EOMES: variants seen among roughly 807,000 people sequenced by gnomAD.
The protein encoded by EOMES is eomesodermin, also known as eomesodermin homolog.
Under a neutral mutation model 61.0 loss-of-function variants are expected in EOMES, and 18 were observed. That is an observed-to-expected ratio of 0.30 (90% CI 0.20 to 0.44). The LOEUF (loss-of-function observed/expected upper bound fraction) is 0.44, where lower values mean the gene tolerates loss of function less well. Among genes scored for constraint, EOMES ranks in the 20% least tolerant of loss-of-function variants. The pLI is 1.00. For synonymous variants in EOMES, 430 were observed against 394.0 expected (o/e 1.09, Z -1.08); for missense variants, 885 against 939.2 (o/e 0.94, Z 0.75).
chr3:27,721,685 C>G lies in EOMES; in HGVS notation c.610G>C (p.Gly204Arg), dbSNP rs747562337. 21 of 1,518,370 alleles carry G rather than the reference C, an allele frequency of 1.4e-5. No homozygotes were observed. The Admixed American group carries it at 2.7e-4, about 19-fold the overall frequency. The allele number at this position is 1,518,370 out of a possible 1,614,324, so 94.1% of individuals were successfully genotyped here. Reference sequence around the variant, plus strand: ...GCTCCTGGGCCGAACTGCGCCCTCCCGGGTGGGCACACAGCCGCGGGGAAG... The same window carrying G: ...GCTCCTGGGCCGAACTGCGCCCTCCGGGGTGGGCACACAGCCGCGGGGAAG... ...GGFPAAVCPP[G>R]RAQFGPGAGA... Residue 204 changes from glycine (G) to arginine (R), a missense_variant, in exon 1 of 6, where the codon GGG (glycine) becomes CGG (arginine). By Grantham distance (125) the Gly-to-Arg change is moderately radical. This residue lies in a region of EOMES where 449 missense variants were observed against 383.6 expected (regional missense o/e 1.17). Coordinates refer to ENST00000449599, the MANE Select transcript of EOMES (RefSeq NM_001278182.2). This position sits in a 1 kb window ranked among gnomAD's most constrained non-coding sequence, Gnocchi z 7.4.
upstream of EOMES, chr3:27,722,583 C>A (rs1048762315): frequency 2.4e-5 from 29 of 1,217,684 alleles, 1 homozygote; most frequent in South Asian, 8.2e-4. Context: ...TCCTCAGGAC[C>A]CCCACCCTCC....
rs745968153 is a variant in EOMES at position 27,717,041 on chromosome 3, T to C, written c.*29A>G. 6.4e-7 allele frequency: 1 copy of C among 1,555,568 alleles called. No individual in the cohort carries two copies. Among genetic ancestry groups the C allele is most frequent in the South Asian group, 1.2e-5 (1 of 84,628 alleles). The stretch of plus-strand genomic sequence containing the variant: ...ACCACCAAGTCCATCTGCAAAAAGT[T>C]AGCTAATTTTTGAGGTTAAAATAAC... On this transcript the variant is annotated 3_prime_UTR_variant, in exon 6 of 6. Transcript: ENST00000449599. This position sits in a 1 kb window ranked among gnomAD's most constrained non-coding sequence, Gnocchi z 4.5.
chr3:27,717,261 A>G lies in EOMES; in HGVS notation c.1927T>C (p.Ser643Pro). 1 of 1,613,860 alleles carries G rather than the reference A, an allele frequency of 6.2e-7. No individual in the cohort carries two copies. The highest frequency in any genetic ancestry group is 8.5e-7 in the Non-Finnish European group (1 of 1,179,784). ...TCATTGGAATCTAGAGATTTGATGG[A>G]AGGGGGTGTCTCTATCCAAGAAGAG... ...IGSSWIETPP[S>P]IKSLDSNDSG... The change falls in exon 6 of 6, where the codon TCC (serine) becomes CCC (proline). Residue 643 changes from serine (S) to proline (P), a missense_variant. By Grantham distance (74) the Ser-to-Pro change is moderately conservative (BLOSUM62 -1). Transcript: ENST00000449599. This position sits in a 1 kb window ranked among gnomAD's most constrained non-coding sequence, Gnocchi z 4.5.
In EOMES at chr3:27,718,589, A is replaced by G. The variant is rs201135280; in HGVS notation, c.1377T>C (p.Asp459=). The change falls in exon 5 of 6, where the codon GAT becomes GAC. Residue 459 remains aspartate, a splice_region_variant and synonymous_variant. Coordinates refer to ENST00000449599, the MANE Select transcript of EOMES (RefSeq NM_001278182.2). ...PFAKGFRDNY[D]SMYTASENDR... Reference sequence around the variant, plus strand: ...GTGTGGATAAAAGCTGCACTTACGAATCATAGTTGTCTCTGAAGCCTTTTG... The same window carrying G: ...GTGTGGATAAAAGCTGCACTTACGAGTCATAGTTGTCTCTGAAGCCTTTTG... 46 of 1,608,402 alleles carry G rather than the reference A, an allele frequency of 2.9e-5. No homozygotes were observed. In the East Asian group the frequency reaches 4.2e-4, roughly 15 times the overall value.
intron 3 of EOMES, 80 bp from the exon 4 acceptor site, chr3:27,718,973 G>T (rs1040975287): frequency 1.9e-6 from 2 of 1,073,560 alleles, no homozygotes; most frequent in Non-Finnish European, 2.7e-6. Flanking sequence ...GACAAATTAT[G>T]TATTTTGGTA....
Position 27,717,343 on chromosome 3 carries a change from G to A in EOMES, c.1845C>T (p.Ser615=), listed in dbSNP as rs190190446. The A allele has an allele frequency of 2.6e-4, 423 of 1,614,152 alleles. 5 individuals are homozygous for A. In the East Asian group the frequency reaches 7.1e-3, roughly 27 times the overall value. ...AAGLPWTSRT[S]PTVFSEDQLS... ...GCTGATCTTCAGAGAACACAGTGGGGCTTGTTCTGGAGGTCCATGGTAGTC... is the reference window on the plus strand; with the variant it reads ...GCTGATCTTCAGAGAACACAGTGGGACTTGTTCTGGAGGTCCATGGTAGTC... The change falls in exon 6 of 6, where the codon AGC becomes AGT. Residue 615 remains serine (S), a synonymous_variant. Transcript: ENST00000449599. This position sits in a 1 kb window ranked among gnomAD's most constrained non-coding sequence, Gnocchi z 4.5.
rs915449770 is a variant in EOMES, at chr3:27,722,046, G to T, written c.249C>A (p.Thr83=). Residue 83 remains threonine (T), a synonymous_variant, in exon 1 of 6, where the codon ACC becomes ACA. Transcript: ENST00000449599. ...AGAPAAMLSD[T]DAGDAFASAA... Reference sequence around the variant, plus strand: ...CGCTGGCAAATGCGTCCCCGGCGTCGGTGTCACTAAGCATGGCCGCGGGGG... The same window carrying T: ...CGCTGGCAAATGCGTCCCCGGCGTCTGTGTCACTAAGCATGGCCGCGGGGG... The T allele has an allele frequency of 1.4e-5, 21 of 1,532,008 alleles. No individual in the cohort carries two copies. Among genetic ancestry groups the T allele is most frequent in the Admixed American group, 2.0e-5 (1 of 49,042 alleles). The allele number at this position is 1,532,008 out of a possible 1,614,324, so 94.9% of individuals were successfully genotyped here.
At position 27,721,704 on chromosome 3, in the gene EOMES, G is replaced by T; in HGVS notation, c.591C>A (p.Pro197=). ...CCCTCCCGGGTGGGCACACAGCCGC[G>T]GGGAAGCCGCCGGGGGGCAGCATGG... ...YGSMLPPGGF[P]AAVCPPGRAQ... The change falls in exon 1 of 6, where the codon CCC becomes CCA. Residue 197 remains proline, a synonymous_variant. Transcript: ENST00000449599. This position sits in a 1 kb window ranked among gnomAD's most constrained non-coding sequence, Gnocchi z 7.4. 1.3e-6 allele frequency: 2 copies of T among 1,493,274 alleles called. No individual in the cohort carries two copies. The highest frequency in any genetic ancestry group is 1.8e-6 in the Non-Finnish European group (2 of 1,131,342). The allele number at this position is 1,493,274 out of a possible 1,614,324, so 92.5% of individuals were successfully genotyped here. A position where few individuals can be genotyped will look rare whatever the true frequency, so the allele number is the denominator to read the frequency against.
chr3:27,721,783 G>C lies in EOMES; in HGVS notation c.512C>G (p.Ala171Gly). Residue 171 changes from alanine (A) to glycine (G), a missense_variant, in exon 1 of 6, where the codon GCG becomes GGG. By Grantham distance (60) the Ala-to-Gly change is moderately conservative. Coordinates refer to ENST00000449599, the MANE Select transcript of EOMES (RefSeq NM_001278182.2). This position sits in a 1 kb window ranked among gnomAD's most constrained non-coding sequence, Gnocchi z 7.4. The part of the protein sequence containing the change: ...SLFPYQAAAG[A>G]PHGPVYPAPN... ...AGCCGGGTACACAGGTCCGTGGGGC[G>C]CCCCAGCCGCCGCCTGGTACGGGAA... is the stretch of plus-strand genomic sequence containing the variant. The C allele has an allele frequency of 6.7e-7, 1 of 1,494,928 alleles. No homozygotes were observed. 92.6% of individuals were successfully genotyped at this position (1,494,928 alleles called of 1,614,324 possible). A position where few individuals can be genotyped will look rare whatever the true frequency, so the allele number is the denominator to read the frequency against.
In EOMES at chr3:27,717,635, G is replaced by T; in HGVS notation, c.1553C>A (p.Thr518Asn). The change falls in exon 6 of 6, where the codon ACC becomes AAC. Residue 518 changes from threonine to asparagine, a missense_variant. Transcript: ENST00000449599. The surrounding 1 kb of genome is among the most constrained non-coding windows in gnomAD (Gnocchi z 4.5). ...YYNGERTVPQTNGLLSPQQSE... is the reference protein window; with the variant it reads ...YYNGERTVPQNNGLLSPQQSE... ...CTGTTGGGGTGAAAGGAGGCCGTTG[G>T]TCTGTGGCACGGTTCTCTCGCCATT... The T allele has an allele frequency of 1.2e-6, 2 of 1,614,114 alleles. No individual in the cohort carries two copies. The highest frequency in any genetic ancestry group is 1.7e-6 in the Non-Finnish European group (2 of 1,179,998).
chr3:27,719,558 CT>C, intron 2 of EOMES, 77 bp from the exon 3 acceptor site: 1 of 1,350,194 alleles, frequency 7.4e-7, no homozygotes, highest in Non-Finnish European at 1.0e-6. Flanking sequence ...AGGGATGTCT[CT>C]TAGCTATGAG....
chr3:27,722,216 C>T lies in EOMES; in HGVS notation c.79G>A (p.Gly27Ser). The change falls in exon 1 of 6, where the codon GGC becomes AGC. Residue 27 changes from glycine to serine, a missense_variant. Coordinates refer to ENST00000449599, the MANE Select transcript of EOMES (RefSeq NM_001278182.2). Reference sequence around the variant, plus strand: ...TGGCCAGCGCTCCCGCCGCTGCCGCCTCGCGCACTCTCCAGCGGGTAGAAG... The same window carrying T: ...TGGCCAGCGCTCCCGCCGCTGCCGCTTCGCGCACTCTCCAGCGGGTAGAAG... Reference protein sequence around the residue: ...AHFYPLESARGGSGGSAGHLP... With the variant: ...AHFYPLESARSGSGGSAGHLP... 1 of 1,604,734 alleles carries T rather than the reference C, an allele frequency of 6.2e-7. No homozygotes were observed. The highest frequency in any genetic ancestry group is 1.7e-5 in the Admixed American group (1 of 59,074).
chr3:27,717,831 TAAAAA>T lies in EOMES; in HGVS notation c.1380-28_1380-24del. The T allele has an allele frequency of 3.5e-6, 4 of 1,153,678 alleles. No homozygotes were observed. The highest frequency in any genetic ancestry group is 1.7e-5 in the African/African-American group (1 of 60,174). 71.5% of individuals were successfully genotyped at this position (1,153,678 alleles called of 1,614,324 possible). A position where few individuals can be genotyped will look rare whatever the true frequency, so the allele number is the denominator to read the frequency against. ...ATGCTACAATATAAAGAGAAACACT[TAAAAA>T]AAAAAAAAAACCCTAATGTTGTCCC... On this transcript the variant is annotated intron_variant, in intron 5 of 5. Transcript: ENST00000449599. The surrounding 1 kb of genome is among the most constrained non-coding windows in gnomAD (Gnocchi z 4.5).
At chr3:27,720,470 G>A in intron 1 of EOMES, 145 bp from the exon 2 acceptor site, 1 of 442,040 alleles carries the variant, frequency 2.3e-6, no homozygotes, top group South Asian at 2.0e-5. Flanking sequence ...GGTAGATCAA[G>A]TGGTCTGAAA....
At position 27,720,282 on chromosome 3, in the gene EOMES, G is replaced by A; in HGVS notation, c.925C>T (p.Pro309Ser). Reference sequence around the variant, plus strand: ...ACGAACACATTGTAGTGGGCAGTGGGATTGAGTCCGTTTATGTTGAAGCTC... The same window carrying A: ...ACGAACACATTGTAGTGGGCAGTGGAATTGAGTCCGTTTATGTTGAAGCTC... ...FLSFNINGLN[P>S]TAHYNVFVEV... Residue 309 changes from proline (P) to serine (S), a missense_variant, in exon 2 of 6, where the codon CCC (proline) becomes TCC (serine). Transcript: ENST00000449599. 6.2e-7 allele frequency: 1 copy of A among 1,613,834 alleles called. No individual in the cohort carries two copies. The highest frequency in any genetic ancestry group is 1.1e-5 in the South Asian group (1 of 91,082).
In EOMES at chr3:27,719,317, T is replaced by C. The variant is rs368936811; in HGVS notation, c.1158+43A>G. 3.2e-5 allele frequency: 52 copies of C among 1,601,136 alleles called. No individual in the cohort carries two copies. Among genetic ancestry groups the C allele is most frequent in the Admixed American group, 1.7e-5 (1 of 59,034 alleles). ...GGACTCTTATTAGAAAAAAGCCTTA[T>C]AGTCAAAGCCAGAAGATATCCCCTC... On this transcript the variant is annotated intron_variant, in intron 3 of 5. Coordinates refer to ENST00000449599, the MANE Select transcript of EOMES (RefSeq NM_001278182.2).
chr3:27,722,655 C>G, upstream of EOMES: 1 of 1,050,334 alleles, frequency 9.5e-7, no homozygotes. Flanking sequence ...CCCACTAGCC[C>G]GCGCCTTTCT....
chr3:27,720,859 C>G (rs1319126824), intron 1 of EOMES, among the ~76,000 whole-genome samples: 1 of 152,028 alleles, frequency 6.6e-6, no homozygotes. Context: ...TCAGAACTTT[C>G]TCGCGCACCG....
At position 27,716,591 on chromosome 3, in the gene EOMES, C is replaced by CT. The variant is rs1175341789; in HGVS notation, c.*478dup. ...TTTTCTTGACTCCTGGGCCTAGTAT[C>CT]TTTTGCCCCTGGCAGAATGTAACAG... On this transcript the variant is annotated 3_prime_UTR_variant, in exon 6 of 6. Transcript: ENST00000449599. The CT allele has an allele frequency of 1.9e-5, 3 of 155,014 alleles. No homozygotes were observed. The highest frequency in any genetic ancestry group is 7.2e-5 in the African/African-American group (3 of 41,452). 9.6% of individuals were successfully genotyped at this position (155,014 alleles called of 1,614,324 possible). A position where few individuals can be genotyped will look rare whatever the true frequency, so the allele number is the denominator to read the frequency against.
Sources: gnomAD v4.1 joint callset for allele counts (sites outside exome capture counted in the v4.1 genomes callset) on GRCh38, gnomAD v4.1.1 for gene constraint, gnomAD v4.1.1 regional missense constraint, Gnocchi (gnomAD v3.1) non-coding constraint, MANE v1.5 for transcripts, NCBI Gene and HGNC (gene_info 2026-07-23, HGNC 2026-07-21) for gene names.